MOCS1: variants seen among roughly 807,000 people sequenced by gnomAD.
The protein encoded by MOCS1 is molybdenum cofactor biosynthesis protein 1.
In MOCS1, 39 loss-of-function variants were observed where a neutral mutation model predicts 57.6. That is an observed-to-expected ratio of 0.68 (90% CI 0.52 to 0.88). MOCS1 has a LOEUF of 0.88. Ranked by LOEUF, MOCS1 falls within the 40% of genes least tolerant of loss-of-function variation. The pLI is 0.00. For missense variants in MOCS1, 795 were observed against 831.1 expected (o/e 0.96, Z 0.53); for synonymous variants, 334 against 335.7 (o/e 1.00, Z 0.05).
chr6:39,916,120 G>C lies in MOCS1; in HGVS notation c.531C>G (p.Ile177Met), dbSNP rs1453620448. 2 of 1,613,932 alleles carry C rather than the reference G, an allele frequency of 1.2e-6. No homozygotes were observed. Among genetic ancestry groups the C allele is most frequent in the Non-Finnish European group, 1.7e-6 (2 of 1,179,968 alleles). Reference protein sequence around the residue: ...LQKAGLSAINISLDTLVPAKF... With the variant: ...LQKAGLSAINMSLDTLVPAKF... ...TGGCAGGCACCAGGGTGTCCAGGCT[G>C]ATGTTGATGGCACTGAGACCAGCCT... The change falls in exon 4 of 11, where the codon ATC becomes ATG. Residue 177 changes from isoleucine (I) to methionine (M), a missense_variant. Physicochemically the swap from Ile to Met is conservative, Grantham distance 10 (BLOSUM62 1). Around this residue, in one of 3 missense-constraint regions of MOCS1, gnomAD observed 416 missense variants for 392.4 expected, o/e 1.06. Coordinates refer to ENST00000340692, the MANE Select transcript of MOCS1 (RefSeq NM_001358530.2).
chr6:39,908,431 C>T (rs1454696444), intron 10 of MOCS1, among the ~76,000 whole-genome samples: 1 of 152,172 alleles, frequency 6.6e-6, no homozygotes, highest in Non-Finnish European at 1.5e-5. Context: ...TAGGAGACCA[C>T]ATAAGGACTT....
intron 10 of MOCS1, among the ~76,000 whole-genome samples, chr6:39,908,606 C>T (rs1038652376): frequency 6.6e-6 from 1 of 152,204 alleles, no homozygotes; most frequent in East Asian, 1.9e-4. Flanking sequence ...CTGCCCAGCA[C>T]AGACGTCTGG....
intron 1 of MOCS1, chr6:39,927,693 A>T (rs1768416204): frequency 1.3e-6 from 2 of 1,539,962 alleles, no homozygotes; most frequent in Non-Finnish European, 1.7e-6. Context: ...GCGGATGGTG[A>T]TCTCTACTGG....
intron 3 of MOCS1, among the ~76,000 whole-genome samples, chr6:39,920,542 G>A (rs573477994): frequency 1.3e-5 from 2 of 152,298 alleles, no homozygotes; most frequent in South Asian, 2.1e-4. Context: ...TTCACATAAT[G>A]TAACAGTAGA....
At position 39,909,037 on chromosome 6, in the gene MOCS1, T is replaced by C; in HGVS notation, c.1150+18A>G. The C allele has an allele frequency of 6.2e-7, 1 of 1,610,236 alleles. No homozygotes were observed. Among genetic ancestry groups the C allele is most frequent in the Middle Eastern group, 1.7e-4 (1 of 6,052 alleles). On this transcript the variant is annotated intron_variant, in intron 10 of 10. Coordinates refer to ENST00000340692, the MANE Select transcript of MOCS1 (RefSeq NM_001358530.2). ...CAAATGACAAGGGTGAGTGGTTACG[T>C]ACTGATGGGTCACCCACCGATGAGG...
chr6:39,905,023 T>G lies in MOCS1; in HGVS notation c.*1334A>C, dbSNP rs3749999. 16,915 of 454,032 alleles carry G rather than the reference T, an allele frequency of 0.037. 989 individuals carry two copies. The highest frequency in any genetic ancestry group is 0.21 in the East Asian group (3,007 of 14,380). 28.1% of individuals were successfully genotyped at this position (454,032 alleles called of 1,614,324 possible). A position where few individuals can be genotyped will look rare whatever the true frequency, so the allele number is the denominator to read the frequency against. On this transcript the variant is annotated 3_prime_UTR_variant, in exon 11 of 11. Transcript: ENST00000340692. Reference sequence around the variant, plus strand: ...TGACATACTGGTAGCTTGAAATTATTCAACATGGGAGTATTTATATCACAA... The same window carrying G: ...TGACATACTGGTAGCTTGAAATTATGCAACATGGGAGTATTTATATCACAA...
In MOCS1 at chr6:39,927,321, T is replaced by C. The variant is rs760535485; in HGVS notation, c.250+8A>G. 1 of 1,609,374 alleles carries C rather than the reference T, an allele frequency of 6.2e-7. No homozygotes were observed. Among genetic ancestry groups the C allele is most frequent in the Non-Finnish European group, 8.5e-7 (1 of 1,177,962 alleles). ...CCAGCCCAGAGAGGGCCCAGGAAGG[T>C]GACTCACATCTGAGGTTGCACTTCT... On this transcript the variant is annotated splice_region_variant and intron_variant, in intron 2 of 10. Coordinates refer to ENST00000340692, the MANE Select transcript of MOCS1 (RefSeq NM_001358530.2).
intron 1 of MOCS1, among the ~76,000 whole-genome samples, chr6:39,929,678 C>T (rs2984438): frequency 0.32 from 48,673 of 151,630 alleles, 8,537 homozygotes; most frequent in South Asian, 0.48. Context: ...TGGTGGTTCA[C>T]GCCTGGAATC....
chr6:39,927,831 G>A, intron 1 of MOCS1: 1 of 1,145,392 alleles, frequency 8.7e-7, no homozygotes, highest in Non-Finnish European at 1.1e-6. Context: ...AATGAGAAGA[G>A]ACTGCTGAAG....
intron 1 of MOCS1, among the ~76,000 whole-genome samples, chr6:39,929,847 C>G (rs559887340): frequency 1.4e-5 from 2 of 145,354 alleles, no homozygotes; most frequent in Non-Finnish European, 3.0e-5. Context: ...GAGGCTGAGG[C>G]AAGAGAATCG....
intron 8 of MOCS1, among the ~76,000 whole-genome samples, chr6:39,911,758 C>A (rs184366321): frequency 2.6e-5 from 4 of 152,190 alleles, no homozygotes; most frequent in Non-Finnish European, 4.4e-5. Context: ...TATCTAGCCA[C>A]GCGTGTGGCA....
chr6:39,923,270 C>T (rs562899128), intron 3 of MOCS1, among the ~76,000 whole-genome samples: 1 of 152,366 alleles, frequency 6.6e-6, no homozygotes, highest in Admixed American at 6.5e-5. Flanking sequence ...CAGCAGAAAA[C>T]ATCCTTAAAG....
At chr6:39,919,037 T>C (rs1380652263) in intron 3 of MOCS1, among the ~76,000 whole-genome samples, 1 of 152,144 alleles carries the variant, frequency 6.6e-6, no homozygotes, top group East Asian at 1.9e-4. Context: ...TGGTATGAGT[T>C]AGGGGATGAA....
chr6:39,910,318 G>A (rs896749976), intron 8 of MOCS1, among the ~76,000 whole-genome samples: 1 of 152,210 alleles, frequency 6.6e-6, no homozygotes, highest in South Asian at 2.1e-4. Flanking sequence ...CCCCCAACCA[G>A]TTGGAGCTGT....
rs368420298 is a variant in MOCS1 at position 39,925,738 on chromosome 6, C to T, written c.358G>A (p.Asp120Asn). ...TCTCCACCTGTGAGCCGGATCTTGT[C>T]GATGCCTTCCTTCACAAAGAGCCGG... Reference protein sequence around the residue: ...LARLFVKEGIDKIRLTGGEPL... With the variant: ...LARLFVKEGINKIRLTGGEPL... The change falls in exon 3 of 11, where the codon GAC becomes AAC. Residue 120 changes from aspartate (D) to asparagine (N), a missense_variant. By Grantham distance (23) the Asp-to-Asn change is conservative (BLOSUM62 1). Around this residue, in one of 3 missense-constraint regions of MOCS1, gnomAD observed 416 missense variants for 392.4 expected, o/e 1.06. Transcript: ENST00000340692. The T allele has an allele frequency of 6.3e-5, 102 of 1,612,706 alleles. No individual in the cohort carries two copies. The highest frequency in any genetic ancestry group is 4.9e-4 in the East Asian group (22 of 44,880).
chr6:39,930,244 C>A (rs1164617055), intron 1 of MOCS1, among the ~76,000 whole-genome samples: 1 of 152,150 alleles, frequency 6.6e-6, no homozygotes. Flanking sequence ...AATATCAGCA[C>A]CAGTCAAAGG....
chr6:39,909,432 A>G (rs1439366924), intron 9 of MOCS1, among the ~76,000 whole-genome samples: 1 of 152,044 alleles, frequency 6.6e-6, no homozygotes, highest in Non-Finnish European at 1.5e-5. Flanking sequence ...ACTCAGCTGT[A>G]TGACAAAAGG....
chr6:39,905,687 T>C lies in MOCS1; in HGVS notation c.*670A>G, dbSNP rs564947785. ...GGTCTGGCAGGAGTCCTTAGGGCTA[T>C]GGCCCATGTGTGCACATCCTGTTTC... On this transcript the variant is annotated 3_prime_UTR_variant, in exon 11 of 11. Transcript: ENST00000340692. 3.0e-4 allele frequency: 141 copies of C among 471,192 alleles called. 1 individual carries two copies. Among genetic ancestry groups the C allele is most frequent in the South Asian group, 2.1e-3 (138 of 64,558 alleles). The allele number at this position is 471,192 out of a possible 1,614,324, so 29.2% of individuals were successfully genotyped here. A position where few individuals can be genotyped will look rare whatever the true frequency, so the allele number is the denominator to read the frequency against.
At chr6:39,913,684 A>T in intron 5 of MOCS1, 90 bp downstream of exon 5, 1 of 1,403,704 alleles carries the variant, frequency 7.1e-7, no homozygotes, top group Non-Finnish European at 1.0e-6. Context: ...GCCAGAGCTG[A>T]GGGCTCTCAA....
Sources: gnomAD v4.1 joint callset for allele counts (sites outside exome capture counted in the v4.1 genomes callset) on GRCh38, gnomAD v4.1.1 for gene constraint, gnomAD v4.1.1 regional missense constraint, MANE v1.5 for transcripts, NCBI Gene and HGNC (gene_info 2026-07-23, HGNC 2026-07-21) for gene names.